Variants in PDE6D observed in about 807,000 individuals in gnomAD.
PDE6D encodes the protein phosphodiesterase 6D.
A neutral mutation model predicts 21.9 loss-of-function variants in PDE6D; 10 were observed. The observed-to-expected ratio is 0.46, with a 90% CI of 0.28 to 0.78. PDE6D has a LOEUF of 0.78. Among genes scored for constraint, PDE6D ranks in the 30% least tolerant of loss-of-function variants. The pLI is 0.12. For synonymous variants in PDE6D, 59 were observed against 63.5 expected, an observed-to-expected ratio of 0.93 and a Z score of 0.34; for missense variants, 139 against 184.8, an observed-to-expected ratio of 0.75 and a Z score of 1.44.
chr2:231,747,449 G>A (rs534194319), intron 1 of PDE6D, among the ~76,000 whole-genome samples: 1 of 152,160 alleles, frequency 6.6e-6, no homozygotes, highest in South Asian at 2.1e-4. Flanking sequence ...AAATGAGCTG[G>A]TTCATAAAAT....
At chr2:231,776,370 A>G (rs1200462087) in intron 1 of PDE6D, among the ~76,000 whole-genome samples, 1 of 152,060 alleles carries the variant, frequency 6.6e-6, no homozygotes, top group Non-Finnish European at 1.5e-5. Context: ...CTGTCAGTGA[A>G]AGCAACTGAA....
chr2:231,767,368 T>C (rs1001794633), intron 1 of PDE6D, among the ~76,000 whole-genome samples: 1 of 151,750 alleles, frequency 6.6e-6, no homozygotes, highest in African/African-American at 2.4e-5. Flanking sequence ...AAGGCTGGAG[T>C]GCAGTGGTGC....
Position 231,739,629 on chromosome 2 carries a change from C to T in PDE6D, c.51-441G>A, listed in dbSNP as rs2048731460. ...GAACTCTCAAATTGCTTTGTAGTGGCCCCCTCTGTTTTTTTTTTTTGAAAC... is the reference window on the plus strand; with the variant it reads ...GAACTCTCAAATTGCTTTGTAGTGGTCCCCTCTGTTTTTTTTTTTTGAAAC... On this transcript the variant is annotated intron_variant, in intron 1 of 4. Transcript: ENST00000287600. The surrounding 1 kb of genome is among the most constrained non-coding windows in gnomAD (Gnocchi z 4.2). Among the ~76,000 whole-genome samples, 1 of 140,138 alleles carries T rather than the reference C, an allele frequency of 7.1e-6. No individual in the cohort carries two copies. The highest frequency in any genetic ancestry group is 2.2e-4 in the South Asian group (1 of 4,486). 91.9% of individuals were successfully genotyped at this position (140,138 alleles called of 152,430 possible).
At chr2:231,758,298 A>AT (rs61283279) in intron 1 of PDE6D, among the ~76,000 whole-genome samples, 6,373 of 148,716 alleles carry the variant, frequency 0.043, 354 homozygotes, top group African/African-American at 0.12. Flanking sequence ...CCCCCAGCTA[A>AT]TTTTTTTTTT....
intron 1 of PDE6D, among the ~76,000 whole-genome samples, chr2:231,774,027 G>C (rs779660693): frequency 6.6e-5 from 10 of 151,784 alleles, no homozygotes; most frequent in Non-Finnish European, 1.3e-4. Flanking sequence ...TCCACCTCCT[G>C]GGTTCAAGCA....
chr2:231,774,998 T>C (rs989311025), intron 1 of PDE6D, among the ~76,000 whole-genome samples: 1 of 151,990 alleles, frequency 6.6e-6, no homozygotes, highest in Admixed American at 6.6e-5. Flanking sequence ...CTGCAACCTC[T>C]GCCTCCTGGG....
At chr2:231,779,140 G>A (rs984364478) in intron 1 of PDE6D, 5 of 152,158 alleles carry the variant, frequency 3.3e-5, no homozygotes, top group African/African-American at 1.2e-4. Flanking sequence ...GCACGCCACT[G>A]CTCTCATGCT....
chr2:231,770,921 C>G (rs1373681337), intron 1 of PDE6D, among the ~76,000 whole-genome samples: 1 of 150,990 alleles, frequency 6.6e-6, no homozygotes. Flanking sequence ...CCATTGCACT[C>G]CAGCCTGGGT....
chr2:231,733,020 T>C lies in PDE6D; in HGVS notation c.385A>G (p.Ile129Val), dbSNP rs2048664633. 1 of 1,606,522 alleles carries C rather than the reference T, an allele frequency of 6.2e-7. No homozygotes were observed. Reference sequence around the variant, plus strand: ...TCGTCGTCAAAAAACTTTGTTTCTATGATAACGTTCCCACTGTAAGTAAGA... The same window carrying C: ...TCGTCGTCAAAAAACTTTGTTTCTACGATAACGTTCCCACTGTAAGTAAGA... ...PASVLTGNVI[I>V]ETKFFDDDLL... Residue 129 changes from isoleucine (I) to valine (V), a missense_variant, in exon 5 of 5, where the codon ATA becomes GTA. Coordinates refer to ENST00000287600, the MANE Select transcript of PDE6D (RefSeq NM_002601.4).
At position 231,750,195 on chromosome 2, in the gene PDE6D, C is replaced by T. The variant is rs544995745; in HGVS notation, c.51-11007G>A. 1.3e-4 allele frequency among the ~76,000 whole-genome samples: 20 copies of T among 152,288 alleles called. No individual in the cohort carries two copies. The East Asian group carries it at 3.1e-3, about 23-fold the overall frequency. ...TGTCATGTAAGAGCCTTTCGCCTCC[C>T]GCCATGATTGTGAGGTCACCCCAGC... is the stretch of plus-strand genomic sequence containing the variant. On this transcript the variant is annotated intron_variant, in intron 1 of 4. Transcript: ENST00000287600.
chr2:231,781,180 G>A lies in PDE6D; in HGVS notation c.-66C>T, dbSNP rs988378673. Reference sequence around the variant, plus strand: ...GCGGAGCCTCGCAGACGGTGCCCAGGAGCCGAGGATGGAGCCGCAGCCCGG... The same window carrying A: ...GCGGAGCCTCGCAGACGGTGCCCAGAAGCCGAGGATGGAGCCGCAGCCCGG... On this transcript the variant is annotated 5_prime_UTR_variant, in exon 1 of 5. Coordinates refer to ENST00000287600, the MANE Select transcript of PDE6D (RefSeq NM_002601.4). The A allele has an allele frequency of 5.2e-6, 8 of 1,533,584 alleles. No homozygotes were observed. In the African/African-American group the frequency reaches 9.6e-5, roughly 18 times the overall value. 95.0% of individuals were successfully genotyped at this position (1,533,584 alleles called of 1,614,324 possible).
intron 1 of PDE6D, among the ~76,000 whole-genome samples, chr2:231,774,762 T>A (rs1165730680): frequency 1.3e-5 from 2 of 152,024 alleles, no homozygotes; most frequent in Non-Finnish European, 2.9e-5. Flanking sequence ...AGCTAATTTT[T>A]GTATTTTTAG....
chr2:231,769,133 T>C (rs2048995679), intron 1 of PDE6D, among the ~76,000 whole-genome samples: 1 of 152,188 alleles, frequency 6.6e-6, no homozygotes. Context: ...CCTCCCAAAA[T>C]GTTGGGATTA....
intron 1 of PDE6D, among the ~76,000 whole-genome samples, chr2:231,776,394 G>A (rs1488110191): frequency 5.3e-5 from 8 of 150,474 alleles, no homozygotes; most frequent in Admixed American, 3.3e-4. Context: ...AACTATCTTT[G>A]GAAATCATAA....
chr2:231,764,817 ATTAT>A (rs2106281433), intron 1 of PDE6D, among the ~76,000 whole-genome samples: 1 of 152,306 alleles, frequency 6.6e-6, no homozygotes, highest in East Asian at 1.9e-4. Flanking sequence ...CTGACACTAT[ATTAT>A]TTATCTTTCT....
chr2:231,748,521 T>C (rs1341822953), intron 1 of PDE6D, among the ~76,000 whole-genome samples: 2 of 152,166 alleles, frequency 1.3e-5, no homozygotes, highest in Non-Finnish European at 2.9e-5. Flanking sequence ...TTGCAGCCTA[T>C]GTGATAGAAA....
rs1216658691 is a variant in PDE6D, at chr2:231,734,860, A to AAC, written c.372-1828_372-1827insGT. Among the ~76,000 whole-genome samples the AAC allele has an allele frequency of 8.4e-3, 1,236 of 147,370 alleles. 24 individuals are homozygous for AAC. Among genetic ancestry groups the AAC allele is most frequent in the South Asian group, 0.038 (169 of 4,486 alleles). Reference sequence around the variant, plus strand: ...AGACTCCGTCTCAAAAAAAAAAACAAAAAAAAAAACCCCAAAAAACAGGTA... The same window carrying AAC: ...AGACTCCGTCTCAAAAAAAAAAACAAACAAAAAAAAACCCCAAAAAACAGGTA... On this transcript the variant is annotated intron_variant, in intron 4 of 4. Coordinates refer to ENST00000287600, the MANE Select transcript of PDE6D (RefSeq NM_002601.4).
chr2:231,744,370 T>C (rs1484708812), intron 1 of PDE6D, among the ~76,000 whole-genome samples: 1 of 152,210 alleles, frequency 6.6e-6, no homozygotes, highest in East Asian at 1.9e-4. Flanking sequence ...AAATACATGG[T>C]TGATTTCCAC....
chr2:231,755,319 AACTT>A (rs1462090741), intron 1 of PDE6D, among the ~76,000 whole-genome samples: 4 of 152,232 alleles, frequency 2.6e-5, no homozygotes, highest in Non-Finnish European at 5.9e-5. Context: ...AATAAAGAAC[AACTT>A]ACTTGTAAAA....
Sources: allele counts gnomAD v4.1 joint callset (sites outside exome capture counted in the v4.1 genomes callset), GRCh38; gene constraint gnomAD v4.1.1; non-coding constraint Gnocchi (gnomAD v3.1); transcripts MANE v1.5; gene names NCBI Gene and HGNC (gene_info 2026-07-23, HGNC 2026-07-21).